ABCA10: variants seen among roughly 807,000 people sequenced by gnomAD.
ABCA10 encodes ATP binding cassette subfamily A member 10, also known as ATP-binding cassette sub-family A member 10.
Under a neutral mutation model 187.5 loss-of-function variants are expected in ABCA10, and 169 were observed. The ratio of observed to expected loss-of-function variants is 0.90; its 90% CI spans 0.80 to 1.02. The LOEUF (loss-of-function observed/expected upper bound fraction) is 1.02, where lower values mean the gene tolerates loss of function less well. Among genes scored for constraint, ABCA10 ranks in the 50% least tolerant of loss-of-function variants. The pLI, the probability that ABCA10 is intolerant of heterozygous loss-of-function variation, is 0.00. For synonymous variants in ABCA10, 574 were observed against 601.8 expected (o/e 0.95, Z 0.68); for missense variants, 1,727 against 1,812.4 (o/e 0.95, Z 0.86).
At chr17:69,232,388 ATATC>A (rs1206789020), upstream of ABCA10, among the ~76,000 whole-genome samples, 1 of 151,956 alleles carries the variant, frequency 6.6e-6, no homozygotes, top group Non-Finnish European at 1.5e-5. Flanking sequence ...TATTTTTAAT[ATATC>A]TATTATAGGT....
intron 22 of ABCA10, among the ~76,000 whole-genome samples, chr17:69,177,899 T>A (rs1271918616): frequency 3.2e-5 from 4 of 124,344 alleles, no homozygotes; most frequent in African/African-American, 1.2e-4. Flanking sequence ...GAGGTTGCAG[T>A]GAGCTGAGAT....
chr17:69,228,734 G>C lies in ABCA10; in HGVS notation c.-466C>G, dbSNP rs970685676. The C allele has an allele frequency of 6.6e-6, 1 of 151,906 alleles. No homozygotes were observed. The highest frequency in any genetic ancestry group is 6.6e-5 in the Admixed American group (1 of 15,222). The allele number at this position is 151,906 out of a possible 1,614,324, so 9.4% of individuals were successfully genotyped here. On this transcript the variant is annotated 5_prime_UTR_variant, in exon 1 of 39. Transcript: ENST00000690296. ...TCAGCTTGGCTTCTGAAAAGCCATGGTCTGTGTGTAGAACATGCCAACAAA... is the reference window on the plus strand; with the variant it reads ...TCAGCTTGGCTTCTGAAAAGCCATGCTCTGTGTGTAGAACATGCCAACAAA...
intron 21 of ABCA10, 98 bp from the exon 22 acceptor site, chr17:69,182,388 G>T (rs1255826052): frequency 1.8e-6 from 2 of 1,094,436 alleles, no homozygotes; most frequent in African/African-American, 3.3e-5. Context: ...GAATGAGAAG[G>T]AGACTATTAA....
intron 25 of ABCA10, among the ~76,000 whole-genome samples, chr17:69,171,807 C>A (rs1367898741): frequency 6.6e-6 from 1 of 151,598 alleles, no homozygotes; most frequent in African/African-American, 2.4e-5. Context: ...GACTGTCAAC[C>A]TAGAAATGCA....
At chr17:69,197,699 T>C (rs1355297521) in intron 10 of ABCA10, among the ~76,000 whole-genome samples, 1 of 152,198 alleles carries the variant, frequency 6.6e-6, no homozygotes, top group African/African-American at 2.4e-5. Context: ...ACTCACTCTT[T>C]TGTTTTCTTA....
chr17:69,154,196 T>A (rs1323451262), intron 31 of ABCA10, 39 bp downstream of exon 31: 1 of 1,523,256 alleles, frequency 6.6e-7, no homozygotes, highest in Admixed American at 2.0e-5. Flanking sequence ...AAAGATGTCA[T>A]CAATATTTAA....
intron 11 of ABCA10, among the ~76,000 whole-genome samples, chr17:69,195,224 C>G (rs192545995): frequency 6.6e-6 from 1 of 152,234 alleles, no homozygotes; most frequent in African/African-American, 2.4e-5. Context: ...CGTCAAAAAT[C>G]AGGCAAACCA....
chr17:69,239,159 G>A (rs2074889400), intron 1 of ABCA10, among the ~76,000 whole-genome samples: 1 of 152,060 alleles, frequency 6.6e-6, no homozygotes, highest in Non-Finnish European at 1.5e-5. Context: ...GAGGTTGTAG[G>A]GGCTCAGCAG....
intron 21 of ABCA10, 148 bp from the exon 22 acceptor site, chr17:69,182,438 G>A: frequency 1.0e-6 from 1 of 965,616 alleles, no homozygotes; most frequent in Non-Finnish European, 1.4e-6. Flanking sequence ...ATTGGTACAA[G>A]AATGCATTAT....
At chr17:69,196,034 C>T (rs974194426) in intron 11 of ABCA10, among the ~76,000 whole-genome samples, 13 of 152,244 alleles carry the variant, frequency 8.5e-5, no homozygotes, top group East Asian at 3.9e-4. Context: ...TGGACAAAAC[C>T]GCCATCATCA....
chr17:69,152,810 A>G (rs1038242926), intron 34 of ABCA10, among the ~76,000 whole-genome samples: 4 of 151,742 alleles, frequency 2.6e-5, no homozygotes, highest in South Asian at 2.1e-4. Flanking sequence ...AAGTAAATAA[A>G]TAAATAAATA....
At chr17:69,213,975 T>C (rs1260587115) in intron 9 of ABCA10, among the ~76,000 whole-genome samples, 1 of 152,176 alleles carries the variant, frequency 6.6e-6, no homozygotes, top group Non-Finnish European at 1.5e-5. Flanking sequence ...TGTTTCCTTC[T>C]TCATATTTTT....
In ABCA10 at chr17:69,191,177, T is replaced by C. The variant is rs755199505; in HGVS notation, c.2010A>G (p.Pro670=). 35 of 1,590,762 alleles carry C rather than the reference T, an allele frequency of 2.2e-5. No homozygotes were observed. The highest frequency in any genetic ancestry group is 2.7e-5 in the Non-Finnish European group (32 of 1,167,482). The change falls in exon 17 of 39, where the codon CCA becomes CCG. Residue 670 remains proline, a splice_region_variant and synonymous_variant. Coordinates refer to ENST00000690296, the MANE Select transcript of ABCA10 (RefSeq NM_001377321.1). ...CTATGTGATTACACAGTAAGTTACC[T>C]GGAAATTTGTTCGTTTTTTCCAAAG... ...SLPLEKTNKF[P]DLYSDLDKCS...
In ABCA10 at chr17:69,154,991, T is replaced by A. The variant is rs200537594; in HGVS notation, c.3694+28A>T. The A allele has an allele frequency of 4.1e-4, 604 of 1,479,042 alleles. 1 individual carries two copies. The highest frequency in any genetic ancestry group is 5.2e-4 in the Non-Finnish European group (556 of 1,069,302). 91.6% of individuals were successfully genotyped at this position (1,479,042 alleles called of 1,614,324 possible). A position where few individuals can be genotyped will look rare whatever the true frequency, so the allele number is the denominator to read the frequency against. Reference sequence around the variant, plus strand: ...ATCTAGAGAATAAGGAACATTATAATAATAATAAAAGGAACAATTGTTCAA... The same window carrying A: ...ATCTAGAGAATAAGGAACATTATAAAAATAATAAAAGGAACAATTGTTCAA... On this transcript the variant is annotated intron_variant, in intron 30 of 38. Coordinates refer to ENST00000690296, the MANE Select transcript of ABCA10 (RefSeq NM_001377321.1).
At chr17:69,221,617 A>G (rs1453738454) in intron 5 of ABCA10, among the ~76,000 whole-genome samples, 175 bp downstream of exon 5, 1 of 152,148 alleles carries the variant, frequency 6.6e-6, no homozygotes, top group East Asian at 1.9e-4. Flanking sequence ...GTAGTTTTAC[A>G]GGGTTTATGT....
chr17:69,195,436 C>T (rs906878419), intron 11 of ABCA10, among the ~76,000 whole-genome samples: 22 of 150,892 alleles, frequency 1.5e-4, no homozygotes, highest in Non-Finnish European at 5.9e-5. Context: ...ATGGCAGAAA[C>T]ATATTTTAAT....
chr17:69,187,579 A>T, intron 19 of ABCA10, 102 bp downstream of exon 19: 1 of 1,277,988 alleles, frequency 7.8e-7, no homozygotes. Context: ...AACATACAAA[A>T]AAACTGTTAA....
chr17:69,152,104 G>A lies in ABCA10; in HGVS notation c.4336C>T (p.Gln1446Ter), dbSNP rs1007243570. The A allele has an allele frequency of 3.1e-6, 5 of 1,613,628 alleles. No homozygotes were observed. In the Admixed American group the frequency reaches 5.0e-5, roughly 16 times the overall value. The change falls in exon 36 of 39, where the codon CAG becomes TAG. Residue 1446 changes from glutamine (Q) to a stop codon, truncating the protein, a stop_gained. Coordinates refer to ENST00000690296, the MANE Select transcript of ABCA10 (RefSeq NM_001377321.1). LOFTEE classifies it high-confidence loss of function. ...ATCTCTGTGTGGAGAGCTTCCACCT[G>A]GGTAGGTTCTTTCATTTTTATTTCT... ...LLEIKMKEPTQVEALHTEILK... is the reference protein window; with the variant it reads ...LLEIKMKEPT
intron 6 of ABCA10, 99 bp downstream of exon 6, chr17:69,219,446 G>T: frequency 3.8e-6 from 3 of 787,220 alleles, no homozygotes; most frequent in Non-Finnish European, 5.8e-6. Context: ...AATTGAATAC[G>T]TGCAAGAAAA....
Sources: gnomAD v4.1 joint callset for allele counts (sites outside exome capture counted in the v4.1 genomes callset) on GRCh38, gnomAD v4.1.1 for gene constraint, MANE v1.5 for transcripts, NCBI Gene and HGNC (gene_info 2026-07-23, HGNC 2026-07-21) for gene names.